Variants in PDE4B observed in about 807,000 individuals in gnomAD.
PDE4B encodes the protein phosphodiesterase 4B.
In PDE4B, 20 loss-of-function variants were observed where a neutral mutation model predicts 82.2. The ratio of observed to expected loss-of-function variants is 0.24; its 90% CI spans 0.17 to 0.35. PDE4B has a LOEUF of 0.35. Ranked by LOEUF, PDE4B falls within the 10% of genes least tolerant of loss-of-function variation. The pLI, the probability that PDE4B is intolerant of heterozygous loss-of-function variation, is 1.00. For synonymous variants in PDE4B, 320 were observed against 318.9 expected (o/e 1.00, Z -0.04); for missense variants, 655 against 907.2 (o/e 0.72, Z 3.57).
intron 8 of PDE4B, among the ~76,000 whole-genome samples, chr1:66,345,176 C>T (rs1444018149): frequency 2.0e-5 from 3 of 151,186 alleles, no homozygotes; most frequent in East Asian, 4.4e-4. Flanking sequence ...TACTAAATGT[C>T]AAGACATAGA....
At chr1:66,368,414 A>G (rs1341761540) in intron 15 of PDE4B, among the ~76,000 whole-genome samples, 1 of 152,254 alleles carries the variant, frequency 6.6e-6, no homozygotes, top group Admixed American at 6.5e-5. Context: ...ACAAATTGCC[A>G]TCAGCTGTTC....
chr1:66,056,314 A>T (rs1288202467), intron 3 of PDE4B, among the ~76,000 whole-genome samples: 1 of 152,162 alleles, frequency 6.6e-6, no homozygotes, highest in African/African-American at 2.4e-5. Context: ...ATGTGTGTAA[A>T]ATTGCCTTTC....
chr1:66,262,204 G>T (rs1309458117), intron 6 of PDE4B, among the ~76,000 whole-genome samples: 1 of 152,166 alleles, frequency 6.6e-6, no homozygotes, highest in Non-Finnish European at 1.5e-5. Flanking sequence ...AATTAACTGA[G>T]GATCATAAAA....
At chr1:65,805,397 T>C (rs1645743936) in intron 1 of PDE4B, among the ~76,000 whole-genome samples, 1 of 152,188 alleles carries the variant, frequency 6.6e-6, no homozygotes, top group African/African-American at 2.4e-5. Context: ...TATATTTATA[T>C]TATTGTTTAG....
At chr1:66,337,374 C>A (rs1660608290) in intron 8 of PDE4B, among the ~76,000 whole-genome samples, 1 of 152,218 alleles carries the variant, frequency 6.6e-6, no homozygotes, top group Non-Finnish European at 1.5e-5. Context: ...ATTCTCTGTC[C>A]AAATGGCTTT....
chr1:66,216,944 C>G (rs1650508870), intron 3 of PDE4B, among the ~76,000 whole-genome samples: 1 of 152,112 alleles, frequency 6.6e-6, no homozygotes, highest in Admixed American at 6.6e-5. Context: ...AAATCATGTC[C>G]CTAGACTTCA....
chr1:66,342,465 T>A (rs538524516), intron 8 of PDE4B, among the ~76,000 whole-genome samples: 90 of 151,182 alleles, frequency 6.0e-4, no homozygotes, highest in African/African-American at 2.2e-3. Context: ...ATCCCAGCAC[T>A]TTGGGAAGCC....
intron 3 of PDE4B, among the ~76,000 whole-genome samples, chr1:66,089,717 G>A (rs998620148): frequency 1.1e-4 from 17 of 151,978 alleles, no homozygotes; most frequent in African/African-American, 3.9e-4. Flanking sequence ...TAAACTATTT[G>A]TTTTGTGGTA....
chr1:65,912,318 C>T (rs1271596470), intron 1 of PDE4B, among the ~76,000 whole-genome samples: 1 of 152,120 alleles, frequency 6.6e-6, no homozygotes, highest in Admixed American at 6.6e-5. Context: ...GAGATTTGGG[C>T]TTCCAGTGAA....
intron 1 of PDE4B, among the ~76,000 whole-genome samples, chr1:65,795,967 A>G (rs12736317): frequency 0.095 from 14,428 of 152,326 alleles, 840 homozygotes; most frequent in South Asian, 0.15. Context: ...CAAATATGAT[A>G]TAGAAGATGC....
chr1:66,346,775 C>A (rs1444768381), intron 8 of PDE4B, among the ~76,000 whole-genome samples: 1 of 152,160 alleles, frequency 6.6e-6, no homozygotes, highest in Non-Finnish European at 1.5e-5. Context: ...AGAAAGGTAC[C>A]ATGAGCTCAG....
intron 1 of PDE4B, among the ~76,000 whole-genome samples, chr1:65,794,002 G>T (rs1486359314): frequency 6.6e-6 from 1 of 152,176 alleles, no homozygotes; most frequent in East Asian, 1.9e-4. Context: ...CGTGTATAAG[G>T]AGGAGCGCAC....
intron 6 of PDE4B, among the ~76,000 whole-genome samples, chr1:66,265,183 A>G (rs889207233): frequency 7.3e-5 from 11 of 151,392 alleles, no homozygotes; most frequent in Non-Finnish European, 4.4e-5. Context: ...CTCTGGGGGT[A>G]GGGCCCAGCA....
chr1:66,362,190 AGG>A (rs951669940), intron 10 of PDE4B, among the ~76,000 whole-genome samples: 3 of 152,218 alleles, frequency 2.0e-5, no homozygotes, highest in African/African-American at 7.2e-5. Flanking sequence ...ATCCAAGGAA[AGG>A]TCAATAGGCA....
intron 1 of PDE4B, among the ~76,000 whole-genome samples, chr1:65,809,446 A>G (rs1645794998): frequency 6.6e-6 from 1 of 152,100 alleles, no homozygotes; most frequent in Non-Finnish European, 1.5e-5. Flanking sequence ...GACAGCAAAC[A>G]TATAATTTCA....
Position 66,178,596 on chromosome 1 carries a change from C to A in PDE4B, c.282-68864C>A, listed in dbSNP as rs376834092. On this transcript the variant is annotated intron_variant, in intron 3 of 16. Coordinates refer to ENST00000341517, the MANE Select transcript of PDE4B (RefSeq NM_002600.4). ...AAAAACAGAAAAATGATATTTATTT[C>A]CCAATTTATCCAGAGCTATTTGGTG... 2.7e-4 allele frequency among the ~76,000 whole-genome samples: 41 copies of A among 152,136 alleles called. 1 individual carries two copies. In the East Asian group the frequency reaches 6.7e-3, roughly 25 times the overall value.
rs770582122 is a variant in PDE4B at position 66,361,631 on chromosome 1, G to C, written c.858G>C (p.Val286=). 6.2e-7 allele frequency: 1 copy of C among 1,612,796 alleles called. No homozygotes were observed. Among genetic ancestry groups the C allele is most frequent in the Admixed American group, 1.7e-5 (1 of 59,938 alleles). The change falls in exon 10 of 17, where the codon GTG becomes GTC. Residue 286 remains valine, a synonymous_variant. Coordinates refer to ENST00000341517, the MANE Select transcript of PDE4B (RefSeq NM_002600.4). ...CTGTTGCAGACAAGCAGAATGATGT[G>C]GAGATCCCATCTCCTACCCAGAAAG... ...SNTFLDKQND[V]EIPSPTQKDR...
chr1:65,938,079 C>T (rs1015458025), intron 3 of PDE4B, among the ~76,000 whole-genome samples: 1 of 152,184 alleles, frequency 6.6e-6, no homozygotes, highest in Non-Finnish European at 1.5e-5. Flanking sequence ...AAAGACTTCA[C>T]TTTGGATATT....
intron 3 of PDE4B, among the ~76,000 whole-genome samples, chr1:66,102,226 G>A (rs1319189225): frequency 6.6e-6 from 1 of 151,710 alleles, no homozygotes; most frequent in East Asian, 1.9e-4. Context: ...GAGTTTTTTG[G>A]GTTTGTTTTT....
Sources: allele counts gnomAD v4.1 joint callset (sites outside exome capture counted in the v4.1 genomes callset), GRCh38; gene constraint gnomAD v4.1.1; transcripts MANE v1.5; gene names NCBI Gene and HGNC (gene_info 2026-07-23, HGNC 2026-07-21).